Variants in DENND1B observed in about 807,000 individuals in gnomAD.
DENND1B encodes DENN domain containing 1B, also known as DENN domain-containing protein 1B.
In DENND1B, 59 loss-of-function variants were observed where a neutral mutation model predicts 90.1. The ratio of observed to expected loss-of-function variants is 0.65; its 90% CI spans 0.53 to 0.81. The LOEUF is 0.81. DENND1B is among the 40% of genes least tolerant of loss of function. The pLI is 0.00. For synonymous variants in DENND1B, 337 were observed against 324.6 expected, an observed-to-expected ratio of 1.04 and a Z score of -0.41; for missense variants, 862 against 912.6, an observed-to-expected ratio of 0.94 and a Z score of 0.71.
At chr1:197,754,145 T>G (rs1020871213) in intron 2 of DENND1B, among the ~76,000 whole-genome samples, 2 of 152,080 alleles carry the variant, frequency 1.3e-5, no homozygotes, top group African/African-American at 4.8e-5. Context: ...ATATATGGAA[T>G]TAAATAAAAT....
At chr1:197,555,335 G>T (rs755614326) in intron 15 of DENND1B, among the ~76,000 whole-genome samples, 3 of 152,006 alleles carry the variant, frequency 2.0e-5, no homozygotes, top group Non-Finnish European at 2.9e-5. Context: ...AAAAGTAAAT[G>T]TAACAAAACC....
At chr1:197,522,984 C>A (rs963405217) in intron 20 of DENND1B, among the ~76,000 whole-genome samples, 3 of 152,114 alleles carry the variant, frequency 2.0e-5, no homozygotes, top group African/African-American at 4.8e-5. Flanking sequence ...CACGCAAGCT[C>A]TTTTCCATAT....
At chr1:197,761,367 GAAGAA>G (rs1389932040) in intron 2 of DENND1B, among the ~76,000 whole-genome samples, 2 of 151,348 alleles carry the variant, frequency 1.3e-5, no homozygotes, top group Non-Finnish European at 3.0e-5. Context: ...TAATCTTGAA[GAAGAA>G]AAAAAAAGAA....
chr1:197,760,543 A>T lies in DENND1B; in HGVS notation c.82+12325T>A, dbSNP rs557931662. On this transcript the variant is annotated intron_variant, in intron 2 of 22. Coordinates refer to ENST00000620048, the MANE Select transcript of DENND1B (RefSeq NM_001195215.2). ...GTAATCCCAGCTACTCGGGAGGCTG[A>T]GGTGGGAAGATCATGCTGGGCCCAA... is the stretch of plus-strand genomic sequence containing the variant. 7.9e-5 allele frequency among the ~76,000 whole-genome samples: 12 copies of T among 151,266 alleles called. No homozygotes were observed. In the South Asian group the frequency reaches 1.3e-3, roughly 16 times the overall value.
intron 20 of DENND1B, among the ~76,000 whole-genome samples, chr1:197,527,977 C>T (rs1029794446): frequency 7.9e-5 from 12 of 152,044 alleles, no homozygotes; most frequent in African/African-American, 2.9e-4. Flanking sequence ...TTACATCATC[C>T]GAACAAGAAA....
At chr1:197,628,875 C>A (rs1214880080) in intron 10 of DENND1B, among the ~76,000 whole-genome samples, 2 of 151,994 alleles carry the variant, frequency 1.3e-5, no homozygotes, top group East Asian at 3.9e-4. Context: ...AGGATATGAA[C>A]AGACACTTCT....
chr1:197,722,934 T>C (rs921073014), intron 2 of DENND1B, among the ~76,000 whole-genome samples: 1 of 152,178 alleles, frequency 6.6e-6, no homozygotes, highest in Non-Finnish European at 1.5e-5. Flanking sequence ...TTATCTTCAT[T>C]CGAATAAGCC....
intron 2 of DENND1B, among the ~76,000 whole-genome samples, chr1:197,766,961 A>C (rs1312559313): frequency 6.6e-6 from 1 of 151,366 alleles, no homozygotes; most frequent in Non-Finnish European, 1.5e-5. Context: ...ACCCCGCTAA[A>C]TTTTGTATTT....
intron 1 of DENND1B, among the ~76,000 whole-genome samples, chr1:197,773,388 C>T (rs1001444179): frequency 1.3e-5 from 2 of 152,196 alleles, no homozygotes; most frequent in Non-Finnish European, 2.9e-5. Context: ...CTCCAAAGGA[C>T]TTGCAATATA....
At chr1:197,704,665 AAC>A (rs1243107318) in intron 3 of DENND1B, among the ~76,000 whole-genome samples, 1 of 152,226 alleles carries the variant, frequency 6.6e-6, no homozygotes, top group African/African-American at 2.4e-5. Flanking sequence ...GCGTATAATA[AAC>A]CAGTGCCTAC....
At chr1:197,725,777 T>G (rs781260674) in intron 2 of DENND1B, among the ~76,000 whole-genome samples, 3 of 151,986 alleles carry the variant, frequency 2.0e-5, no homozygotes, top group Non-Finnish European at 4.4e-5. Context: ...AGGAACCTGC[T>G]TACACTCTGG....
intron 2 of DENND1B, chr1:197,735,239 A>G: frequency 4.7e-6 from 5 of 1,072,840 alleles, no homozygotes; most frequent in Non-Finnish European, 5.7e-6. Context: ...AGCAATCTGT[A>G]AAATGATTAC....
chr1:197,615,105 T>C (rs561756653), intron 11 of DENND1B, among the ~76,000 whole-genome samples: 17 of 151,192 alleles, frequency 1.1e-4, no homozygotes, highest in African/African-American at 3.1e-4. Flanking sequence ...GTAATACTTA[T>C]AGTATTGCAG....
chr1:197,595,374 A>G, intron 13 of DENND1B, 41 bp from the exon 14 acceptor site: 1 of 1,603,782 alleles, frequency 6.2e-7, no homozygotes, highest in African/African-American at 1.3e-5. Context: ...CACCTCAGAA[A>G]TTGGTACAGC....
At chr1:197,513,959 T>C (rs138373060) in intron 20 of DENND1B, among the ~76,000 whole-genome samples, 34 of 151,788 alleles carry the variant, frequency 2.2e-4, no homozygotes, top group African/African-American at 7.9e-4. Flanking sequence ...GAATATTACA[T>C]GGGTATTGAT....
At chr1:197,724,837 TGAATA>T (rs1338753750) in intron 2 of DENND1B, among the ~76,000 whole-genome samples, 2 of 152,132 alleles carry the variant, frequency 1.3e-5, no homozygotes, top group East Asian at 3.9e-4. Context: ...AAAAGCTCAA[TGAATA>T]GAACAGCATA....
chr1:197,716,303 TTTTA>T (rs1282893024), intron 2 of DENND1B, among the ~76,000 whole-genome samples: 4 of 151,706 alleles, frequency 2.6e-5, no homozygotes, highest in Admixed American at 2.6e-4. Flanking sequence ...CAATTAAACT[TTTTA>T]TTTATTAAGG....
intron 13 of DENND1B, 33 bp downstream of exon 13, chr1:197,607,040 A>G (rs765006894): frequency 3.4e-6 from 5 of 1,485,558 alleles, no homozygotes; most frequent in South Asian, 1.2e-5. Context: ...GAGAAAACAT[A>G]TATGTTCACC....
intron 3 of DENND1B, among the ~76,000 whole-genome samples, chr1:197,683,269 A>C (rs1656879531): frequency 6.6e-6 from 1 of 152,198 alleles, no homozygotes; most frequent in Non-Finnish European, 1.5e-5. Flanking sequence ...CAGTTTGAAC[A>C]ATAAATCATA....
Sources: allele counts gnomAD v4.1 joint callset (sites outside exome capture counted in the v4.1 genomes callset), GRCh38; gene constraint gnomAD v4.1.1; transcripts MANE v1.5; gene names NCBI Gene and HGNC (gene_info 2026-07-23, HGNC 2026-07-21).